The following MEIKIN variants were observed in gnomAD, a reference collection of about 807,000 sequenced individuals.
MEIKIN encodes the protein meiosis-specific kinetochore protein.
At chr5:131,840,750 A>G (rs1327249314) in intron 11 of MEIKIN, among the ~76,000 whole-genome samples, 1 of 152,054 alleles carries the variant, frequency 6.6e-6, no homozygotes, top group African/African-American at 2.4e-5. Flanking sequence ...CTCCTGTATC[A>G]TTTTACTGTG....
At chr5:131,860,192 A>C (rs947796607) in intron 9 of MEIKIN, among the ~76,000 whole-genome samples, 2 of 150,768 alleles carry the variant, frequency 1.3e-5, no homozygotes, top group African/African-American at 2.4e-5. Context: ...TGAGCATGAG[A>C]TGTCTTGTTT....
intron 5 of MEIKIN, among the ~76,000 whole-genome samples, chr5:131,930,964 T>C (rs865822411): frequency 6.6e-6 from 1 of 152,238 alleles, no homozygotes; most frequent in African/African-American, 2.4e-5. Flanking sequence ...CTCCATTTCA[T>C]TGGGGTCAGT....
At position 131,920,813 on chromosome 5, in the gene MEIKIN, C is replaced by T. The variant is rs992155340; in HGVS notation, c.598+1009G>A. On this transcript the variant is annotated intron_variant, in intron 6 of 12. Coordinates refer to ENST00000442687, the MANE Select transcript of MEIKIN (RefSeq NM_001303622.2). ...GGCTCAAGCGATCCTCTCATTCTCC[C>T]ACCTCAGCCTCTTGAGTAGCTGGGA... 3.8e-4 allele frequency among the ~76,000 whole-genome samples: 58 copies of T among 152,118 alleles called. 1 individual carries two copies. Among genetic ancestry groups the T allele is most frequent in the African/African-American group, 1.2e-3 (51 of 41,502 alleles).
intron 12 of MEIKIN, among the ~76,000 whole-genome samples, chr5:131,818,113 G>A (rs1361972664): frequency 3.3e-5 from 5 of 152,142 alleles, no homozygotes; most frequent in Non-Finnish European, 4.4e-5. Flanking sequence ...GTCTTAATAT[G>A]TAAAATGGGA....
intron 11 of MEIKIN, among the ~76,000 whole-genome samples, chr5:131,843,585 G>A (rs893054793): frequency 7.9e-5 from 12 of 152,142 alleles, no homozygotes; most frequent in African/African-American, 2.9e-4. Flanking sequence ...TTTACAGCAG[G>A]AGCACAATGC....
chr5:131,890,849 C>A (rs979069203), intron 8 of MEIKIN, among the ~76,000 whole-genome samples: 2 of 152,138 alleles, frequency 1.3e-5, no homozygotes, highest in Admixed American at 6.5e-5. Flanking sequence ...CTCTTGTGGG[C>A]ATTTAGTGCT....
intron 9 of MEIKIN, among the ~76,000 whole-genome samples, chr5:131,874,481 C>A (rs958925735): frequency 6.6e-5 from 10 of 152,276 alleles, no homozygotes; most frequent in African/African-American, 1.2e-4. Flanking sequence ...GAATAACAGG[C>A]TCTGAAATTG....
intron 11 of MEIKIN, among the ~76,000 whole-genome samples, chr5:131,850,876 G>GC (rs1335715938): frequency 2.6e-5 from 4 of 151,928 alleles, no homozygotes; most frequent in Admixed American, 2.6e-4. Context: ...GGAAGTCAAG[G>GC]CTGCAGTGAG....
chr5:131,916,222 C>T (rs979576964), intron 7 of MEIKIN, among the ~76,000 whole-genome samples: 3 of 152,072 alleles, frequency 2.0e-5, no homozygotes, highest in Non-Finnish European at 4.4e-5. Context: ...CTCTGGTCAC[C>T]TTAGTCATTT....
In MEIKIN at chr5:131,807,046, T is replaced by C. The variant is rs1447434245; in HGVS notation, c.*190A>G. On this transcript the variant is annotated 3_prime_UTR_variant, in exon 13 of 13. Coordinates refer to ENST00000442687, the MANE Select transcript of MEIKIN (RefSeq NM_001303622.2). Reference sequence around the variant, plus strand: ...ATATTTAAGAAGCATATGGAATAATTTTTTTTCTTAACTGATTAAAAGTAA... The same window carrying C: ...ATATTTAAGAAGCATATGGAATAATCTTTTTTCTTAACTGATTAAAAGTAA... 10 of 381,282 alleles carry C rather than the reference T, an allele frequency of 2.6e-5. No homozygotes were observed. In the East Asian group the frequency reaches 3.8e-4, roughly 14 times the overall value. 23.6% of individuals were successfully genotyped at this position (381,282 alleles called of 1,614,324 possible). A position where few individuals can be genotyped will look rare whatever the true frequency, so the allele number is the denominator to read the frequency against.
intron 8 of MEIKIN, among the ~76,000 whole-genome samples, chr5:131,887,270 T>C (rs978225414): frequency 6.6e-6 from 1 of 152,166 alleles, no homozygotes; most frequent in African/African-American, 2.4e-5. Context: ...TTTGCTATTG[T>C]GAAGAGTGCT....
chr5:131,904,090 T>A (rs1262628841), intron 8 of MEIKIN, among the ~76,000 whole-genome samples: 1 of 151,978 alleles, frequency 6.6e-6, no homozygotes, highest in Non-Finnish European at 1.5e-5. Flanking sequence ...AAGAAGGGCA[T>A]TATGGGGCTC....
intron 11 of MEIKIN, among the ~76,000 whole-genome samples, chr5:131,831,558 T>C (rs979444362): frequency 4.6e-5 from 7 of 151,618 alleles, no homozygotes; most frequent in African/African-American, 1.7e-4. Flanking sequence ...CGTGTCTCAA[T>C]CAATCAATCA....
intron 7 of MEIKIN, among the ~76,000 whole-genome samples, chr5:131,915,047 T>G (rs904153702): frequency 6.6e-5 from 10 of 152,134 alleles, no homozygotes; most frequent in Admixed American, 2.6e-4. Flanking sequence ...GAGATTCTCT[T>G]AATTCCTGGG....
intron 9 of MEIKIN, among the ~76,000 whole-genome samples, chr5:131,861,405 T>C (rs960681993): frequency 5.9e-5 from 9 of 151,936 alleles, no homozygotes; most frequent in African/African-American, 2.2e-4. Flanking sequence ...AAAAGAATAA[T>C]GTAGTTCCCA....
chr5:131,936,223 T>TA (rs1283460336), intron 4 of MEIKIN, among the ~76,000 whole-genome samples: 1 of 152,202 alleles, frequency 6.6e-6, no homozygotes, highest in Non-Finnish European at 1.5e-5. Flanking sequence ...TAAATGCAAT[T>TA]AAAAAACATA....
In MEIKIN at chr5:131,888,494, T is replaced by C. The variant is rs1470207167; in HGVS notation, c.704-9446A>G. The stretch of plus-strand genomic sequence containing the variant: ...AGCATTTTTTCATGTGTCCGTTGGC[T>C]GCATAAATGTCTTCTTTTGAGAAGT... On this transcript the variant is annotated intron_variant, in intron 8 of 12. Transcript: ENST00000442687. 3.7e-3 allele frequency among the ~76,000 whole-genome samples: 558 copies of C among 148,834 alleles called. 1 individual carries two copies. The highest frequency in any genetic ancestry group is 0.012 in the African/African-American group (448 of 38,718).
At chr5:131,943,211 G>A (rs1751903544) in intron 3 of MEIKIN, among the ~76,000 whole-genome samples, 1 of 151,884 alleles carries the variant, frequency 6.6e-6, no homozygotes. Context: ...AAAAAATATC[G>A]ACTTCCCCAG....
chr5:131,840,211 G>C (rs1480828395), intron 11 of MEIKIN, among the ~76,000 whole-genome samples: 1 of 152,174 alleles, frequency 6.6e-6, no homozygotes, highest in Non-Finnish European at 1.5e-5. Context: ...GCCTTTTAGG[G>C]TTTGTGCTGA....
Sources: allele counts gnomAD v4.1 joint callset (sites outside exome capture counted in the v4.1 genomes callset), GRCh38; gene constraint gnomAD v4.1.1; transcripts MANE v1.5; gene names NCBI Gene and HGNC (gene_info 2026-07-23, HGNC 2026-07-21).